The following ADAP2 variants were observed in gnomAD, a reference collection of about 807,000 sequenced individuals.
ADAP2 encodes the protein arf-GAP with dual PH domain-containing protein 2.
ADAP2 carries 42 observed loss-of-function variants against 54.9 expected under a neutral mutation model. That is an observed-to-expected ratio of 0.77 (90% CI 0.60 to 0.99). The LOEUF (loss-of-function observed/expected upper bound fraction) is 0.99, where lower values mean the gene tolerates loss of function less well. ADAP2 is among the 50% of genes least tolerant of loss of function. The pLI is 0.00. For missense variants in ADAP2, 429 were observed against 480.4 expected (o/e 0.89, Z 1.00); for synonymous variants, 177 against 180.1 (o/e 0.98, Z 0.14).
chr17:30,940,262 C>T (rs912545094), intron 5 of ADAP2, among the ~76,000 whole-genome samples: 3 of 150,656 alleles, frequency 2.0e-5, no homozygotes, highest in Non-Finnish European at 4.4e-5. Context: ...CACGCCTGGC[C>T]TTTTTTTTTA....
Position 30,957,862 on chromosome 17 carries a change from G to C in ADAP2, c.1139G>C (p.Ser380Thr), listed in dbSNP as rs375687965. ...GCATCAACAGAGAGTGGCCGCAGCA[G>C]CAGGTGACCCATTAACTGAGGAACT... Reference protein sequence around the residue: ...LTASTESGRSSR With the variant: ...LTASTESGRSTR The change falls in exon 11 of 11, where the codon AGC becomes ACC. Residue 380 changes from serine (S) to threonine (T), a missense_variant. Transcript: ENST00000330889. The C allele has an allele frequency of 5.5e-5, 89 of 1,613,138 alleles. No homozygotes were observed. The highest frequency in any genetic ancestry group is 7.0e-5 in the Non-Finnish European group (82 of 1,179,678).
intron 4 of ADAP2, 113 bp downstream of exon 4, chr17:30,932,081 G>A (rs1911531173): frequency 1.0e-6 from 1 of 992,068 alleles, no homozygotes; most frequent in Admixed American, 2.4e-5. Flanking sequence ...TGTTCTCACT[G>A]TGGCCGCAGA....
At chr17:30,930,045 C>CTTATTTATTTAT (rs35101958) in intron 3 of ADAP2, among the ~76,000 whole-genome samples, 160 of 140,430 alleles carry the variant, frequency 1.1e-3, no homozygotes, top group South Asian at 3.2e-3. Context: ...CGACAGAAAC[C>CTTATTTATTTAT]TTATTTATTT....
intron 6 of ADAP2, among the ~76,000 whole-genome samples, chr17:30,946,355 C>T (rs1912678637): frequency 6.6e-6 from 1 of 151,800 alleles, no homozygotes; most frequent in Non-Finnish European, 1.5e-5. Context: ...GCCTCAGCCT[C>T]CCGAGTGGCT....
intron 2 of ADAP2, among the ~76,000 whole-genome samples, chr17:30,924,975 C>T (rs546734494): frequency 6.6e-6 from 1 of 150,556 alleles, no homozygotes; most frequent in Non-Finnish European, 1.5e-5. Context: ...GGGGTTCAAG[C>T]GATTCTTGTG....
intron 9 of ADAP2, among the ~76,000 whole-genome samples, chr17:30,955,025 A>G (rs1904962008): frequency 6.6e-6 from 1 of 152,128 alleles, no homozygotes; most frequent in Admixed American, 6.6e-5. Flanking sequence ...AGAGGTTGCC[A>G]TGATGGTTAT....
chr17:30,923,298 T>A, intron 2 of ADAP2, among the ~76,000 whole-genome samples: 1 of 150,440 alleles, frequency 6.6e-6, no homozygotes, highest in East Asian at 1.9e-4. Flanking sequence ...GGAGTCTCGC[T>A]GTGTTGTCCA....
intron 7 of ADAP2, among the ~76,000 whole-genome samples, chr17:30,952,590 A>G (rs1904751885): frequency 6.6e-6 from 1 of 152,030 alleles, no homozygotes; most frequent in Admixed American, 6.6e-5. Flanking sequence ...TGGCCAGGCT[A>G]GTCTCAAACT....
At chr17:30,939,091 A>G (rs528341958) in intron 5 of ADAP2, among the ~76,000 whole-genome samples, 1 of 152,196 alleles carries the variant, frequency 6.6e-6, no homozygotes, top group Non-Finnish European at 1.5e-5. Flanking sequence ...CCAGTCTTCA[A>G]TGTAAAGCAC....
At chr17:30,924,677 G>A (rs574270801) in intron 2 of ADAP2, among the ~76,000 whole-genome samples, 4 of 152,238 alleles carry the variant, frequency 2.6e-5, no homozygotes, top group South Asian at 4.2e-4. Context: ...AGACAGCACC[G>A]GACTGGAGGC....
In ADAP2 at chr17:30,923,087, G is replaced by C. The variant is rs201030071; in HGVS notation, c.225+17G>C. 6 of 1,612,576 alleles carry C rather than the reference G, an allele frequency of 3.7e-6. No homozygotes were observed. The highest frequency in any genetic ancestry group is 1.6e-4 in the Middle Eastern group (1 of 6,084). On this transcript the variant is annotated intron_variant, in intron 2 of 10. Transcript: ENST00000330889. The stretch of plus-strand genomic sequence containing the variant: ...ATTGTGGAGGTAGAAAGGCATGCCC[G>C]TGGAGAGCCATGGAACTGCGGGACT...
intron 10 of ADAP2, among the ~76,000 whole-genome samples, chr17:30,957,197 A>G (rs1006273437): frequency 6.6e-6 from 1 of 152,154 alleles, no homozygotes; most frequent in Non-Finnish European, 1.5e-5. Context: ...ACTGTCCCAT[A>G]AAGGCCAAAG....
Position 30,943,848 on chromosome 17 carries a change from AAAATAAATAAATAAATAAATAAAT to A in ADAP2, c.511-1032_511-1009del, listed in dbSNP as rs55789959. Among the ~76,000 whole-genome samples the A allele has an allele frequency of 5.4e-3, 733 of 136,862 alleles. 8 individuals are homozygous for A. Among genetic ancestry groups the A allele is most frequent in the African/African-American group, 0.018 (664 of 36,044 alleles). 89.8% of individuals were successfully genotyped at this position (136,862 alleles called of 152,430 possible). The stretch of plus-strand genomic sequence containing the variant: ...GACAACAGAGCAAGACTCTATCTCA[AAAATAAATAAATAAATAAATAAAT>A]AAATAAATAAATAAATAAATAAATA... On this transcript the variant is annotated intron_variant, in intron 5 of 10. Transcript: ENST00000330889.
intron 7 of ADAP2, among the ~76,000 whole-genome samples, chr17:30,951,872 G>T (rs1904673937): frequency 6.9e-6 from 1 of 145,540 alleles, no homozygotes; most frequent in South Asian, 2.2e-4. Flanking sequence ...AGCCAGGATG[G>T]TCTCGATCTC....
At chr17:30,954,632 G>T in intron 9 of ADAP2, 77 bp downstream of exon 9, 3 of 1,264,306 alleles carry the variant, frequency 2.4e-6, no homozygotes, top group Non-Finnish European at 3.4e-6. Flanking sequence ...CTATGTGAAA[G>T]CTACAGATAA....
rs539360274 is a variant in ADAP2 at position 30,929,337 on chromosome 17, C to T, written c.317+2419C>T. 2.0e-5 allele frequency among the ~76,000 whole-genome samples: 3 copies of T among 152,356 alleles called. No individual in the cohort carries two copies. The East Asian group carries it at 5.8e-4, about 29-fold the overall frequency. ...CACTGTGTCTGCTTCAGAATGCTACCTGTCCATGGCCAGCTGTGGGGTGTG... is the reference window on the plus strand; with the variant it reads ...CACTGTGTCTGCTTCAGAATGCTACTTGTCCATGGCCAGCTGTGGGGTGTG... On this transcript the variant is annotated intron_variant, in intron 3 of 10. Coordinates refer to ENST00000330889, the MANE Select transcript of ADAP2 (RefSeq NM_018404.3).
chr17:30,957,727 G>C (rs1255692028), intron 10 of ADAP2, 108 bp from the exon 11 acceptor site: 7 of 1,103,992 alleles, frequency 6.3e-6, no homozygotes, highest in Non-Finnish European at 9.4e-6. Flanking sequence ...CACTGTGCCC[G>C]GCCATGGCTC....
At chr17:30,926,944 G>C (rs527284817) in intron 3 of ADAP2, 26 bp downstream of exon 3, 4 of 1,567,890 alleles carry the variant, frequency 2.6e-6, no homozygotes, top group Non-Finnish European at 3.5e-6. Flanking sequence ...CTTAGGGACT[G>C]GGTGAGGGGT....
intron 7 of ADAP2, 47 bp from the exon 8 acceptor site, chr17:30,953,241 A>G: frequency 6.2e-7 from 1 of 1,601,172 alleles, no homozygotes; most frequent in Non-Finnish European, 8.6e-7. Context: ...GGGAACCTGG[A>G]GCCTTGGGGT....
Sources: gnomAD v4.1 joint callset for allele counts (sites outside exome capture counted in the v4.1 genomes callset) on GRCh38, gnomAD v4.1.1 for gene constraint, MANE v1.5 for transcripts, NCBI Gene and HGNC (gene_info 2026-07-23, HGNC 2026-07-21) for gene names.